CFDP1: variants seen among roughly 807,000 people sequenced by gnomAD.
CFDP1 encodes chromatin remodeling protein CFDP1.
CFDP1 carries 31 observed loss-of-function variants against 40.1 expected under a neutral mutation model. That is an observed-to-expected ratio of 0.77 (90% CI 0.58 to 1.04). The LOEUF (loss-of-function observed/expected upper bound fraction) is 1.04, where lower values mean the gene tolerates loss of function less well. CFDP1 is among the 50% of genes least tolerant of loss of function. The pLI is 0.00. For missense variants in CFDP1, 423 were observed against 343.4 expected (o/e 1.23, Z -1.83); for synonymous variants, 167 against 120.0 (o/e 1.39, Z -2.56).
chr16:75,371,225 T>C (rs1319870801), intron 5 of CFDP1, among the ~76,000 whole-genome samples: 1 of 152,154 alleles, frequency 6.6e-6, no homozygotes, highest in Non-Finnish European at 1.5e-5. Context: ...GCCAGTAGCA[T>C]CCCCTGCCTT....
At chr16:75,379,309 A>G (rs1486834668) in intron 5 of CFDP1, among the ~76,000 whole-genome samples, 8 of 151,108 alleles carry the variant, frequency 5.3e-5, no homozygotes, top group Non-Finnish European at 1.0e-4. Flanking sequence ...GATCAATAAA[A>G]TCGACAAACG....
intron 5 of CFDP1, among the ~76,000 whole-genome samples, chr16:75,377,244 CT>C (rs2078807543): frequency 6.6e-6 from 1 of 152,196 alleles, no homozygotes; most frequent in Non-Finnish European, 1.5e-5. Flanking sequence ...AAGTCAAATG[CT>C]ATGGGAACCA....
chr16:75,301,536 CTTTTTTTTT>C (rs546724752), intron 6 of CFDP1, among the ~76,000 whole-genome samples: 627 of 53,990 alleles, frequency 0.012, 7 homozygotes, highest in South Asian at 0.043. Context: ...TTTGTTGTGT[CTTTTTTTTT>C]TTTTTTTTTT....
chr16:75,407,652 C>T (rs1214384969), intron 4 of CFDP1, among the ~76,000 whole-genome samples: 2 of 50,638 alleles, frequency 3.9e-5, no homozygotes, highest in African/African-American at 1.3e-4. Context: ...AAGACCCTGT[C>T]TCAAAAAAAA....
Position 75,293,817 on chromosome 16 carries a change from A to T in CFDP1, c.*135T>A. ...AACCATTTGTGATTAAGATACATAG[A>T]CAGAACTTCAATGTAGAAAAAAAAA... On this transcript the variant is annotated 3_prime_UTR_variant, in exon 7 of 7. Coordinates refer to ENST00000283882, the MANE Select transcript of CFDP1 (RefSeq NM_006324.3). 1.5e-6 allele frequency: 1 copy of T among 654,208 alleles called. No homozygotes were observed. Among genetic ancestry groups the T allele is most frequent in the Non-Finnish European group, 2.6e-6 (1 of 383,690 alleles). The allele number at this position is 654,208 out of a possible 1,614,324, so 40.5% of individuals were successfully genotyped here. A position where few individuals can be genotyped will look rare whatever the true frequency, so the allele number is the denominator to read the frequency against.
At position 75,433,474 on chromosome 16, in the gene CFDP1, A is replaced by T. The variant is rs1464717236; in HGVS notation, c.-122T>A. The T allele has an allele frequency of 1.1e-6, 1 of 872,600 alleles. No individual in the cohort carries two copies. Among genetic ancestry groups the T allele is most frequent in the African/African-American group, 1.7e-5 (1 of 60,372 alleles). 54.1% of individuals were successfully genotyped at this position (872,600 alleles called of 1,614,324 possible). A position where few individuals can be genotyped will look rare whatever the true frequency, so the allele number is the denominator to read the frequency against. On this transcript the variant is annotated 5_prime_UTR_variant, in exon 1 of 7. Transcript: ENST00000283882. ...GACGGCAGCTAGGGCGGCCCCCGAC[A>T]GCGCTTTGCACATGCGCAGAGAGTA...
intron 5 of CFDP1, among the ~76,000 whole-genome samples, chr16:75,385,858 T>C (rs1299288327): frequency 6.6e-6 from 1 of 152,194 alleles, no homozygotes; most frequent in Non-Finnish European, 1.5e-5. Context: ...CTTCGTTTCC[T>C]TGCTCCCAAA....
rs769286890 is a variant in CFDP1 at position 75,395,051 on chromosome 16, C to G, written c.650+39G>C. On this transcript the variant is annotated intron_variant, in intron 5 of 6. Coordinates refer to ENST00000283882, the MANE Select transcript of CFDP1 (RefSeq NM_006324.3). Reference sequence around the variant, plus strand: ...GTATTTGCACTGAAAGCTTCTCCAACGTGCCAAGTACATCAGGGAGTGAGA... The same window carrying G: ...GTATTTGCACTGAAAGCTTCTCCAAGGTGCCAAGTACATCAGGGAGTGAGA... 13 of 1,610,494 alleles carry G rather than the reference C, an allele frequency of 8.1e-6. No homozygotes were observed. In the Admixed American group the frequency reaches 2.2e-4, roughly 27 times the overall value.
chr16:75,403,470 C>T (rs1385362462), intron 4 of CFDP1, among the ~76,000 whole-genome samples: 3 of 152,208 alleles, frequency 2.0e-5, no homozygotes, highest in Non-Finnish European at 2.9e-5. Flanking sequence ...CCTCCTGCCT[C>T]AGCCTCCCAA....
intron 5 of CFDP1, among the ~76,000 whole-genome samples, chr16:75,315,506 T>C (rs147222630): frequency 2.9e-4 from 44 of 152,218 alleles, no homozygotes; most frequent in African/African-American, 1.0e-3. Context: ...AAGGGTTATG[T>C]ACAAGAATTC....
At chr16:75,315,742 C>T (rs1460777529) in intron 5 of CFDP1, among the ~76,000 whole-genome samples, 1 of 152,200 alleles carries the variant, frequency 6.6e-6, no homozygotes, top group East Asian at 1.9e-4. Flanking sequence ...CATTTCACCT[C>T]TACATACCTT....
At position 75,406,844 on chromosome 16, in the gene CFDP1, G is replaced by C. The variant is rs545724213; in HGVS notation, c.530+4981C>G. ...GTTTGAAATCAGCCTGGTCAACATG[G>C]TGACCATCTCTACTAAAAATACAAA... On this transcript the variant is annotated intron_variant, in intron 4 of 6. Transcript: ENST00000283882. 7 of 151,988 alleles carry C rather than the reference G, an allele frequency of 4.6e-5. No individual in the cohort carries two copies. In the East Asian group the frequency reaches 1.4e-3, roughly 30 times the overall value. 9.4% of individuals were successfully genotyped at this position (151,988 alleles called of 1,614,324 possible). A position where few individuals can be genotyped will look rare whatever the true frequency, so the allele number is the denominator to read the frequency against.
At chr16:75,404,602 A>G (rs2079083244) in intron 4 of CFDP1, among the ~76,000 whole-genome samples, 1 of 152,122 alleles carries the variant, frequency 6.6e-6, no homozygotes, top group South Asian at 2.1e-4. Context: ...AAGCACCATC[A>G]ATGTAGTATT....
intron 5 of CFDP1, chr16:75,305,552 C>G (rs1567640000): frequency 5.0e-6 from 1 of 201,950 alleles, no homozygotes; most frequent in Non-Finnish European, 1.0e-5. Flanking sequence ...TGACTCTAGG[C>G]CAGTTATTTA....
At chr16:75,321,982 C>G (rs1013861282) in intron 5 of CFDP1, 1 of 152,288 alleles carries the variant, frequency 6.6e-6, no homozygotes, top group Non-Finnish European at 1.5e-5. Context: ...CGCCACCATA[C>G]CCGGCTAATT....
chr16:75,332,545 T>C (rs1290281336), intron 5 of CFDP1, among the ~76,000 whole-genome samples: 1 of 151,780 alleles, frequency 6.6e-6, no homozygotes, highest in Non-Finnish European at 1.5e-5. Context: ...TGCTTGTTTG[T>C]GGTCCCAGCT....
At chr16:75,325,358 G>A (rs772266718) in intron 5 of CFDP1, among the ~76,000 whole-genome samples, 2 of 152,178 alleles carry the variant, frequency 1.3e-5, no homozygotes, top group Non-Finnish European at 2.9e-5. Flanking sequence ...CAACGACTGT[G>A]CCCAGTTATC....
In CFDP1 at chr16:75,407,716, T is replaced by A. The variant is rs2151579807; in HGVS notation, c.530+4109A>T. Among the ~76,000 whole-genome samples the A allele has an allele frequency of 1.3e-5, 2 of 150,752 alleles. 1 individual carries two copies. The highest frequency in any genetic ancestry group is 4.2e-4 in the South Asian group (2 of 4,752). On this transcript the variant is annotated intron_variant, in intron 4 of 6. Coordinates refer to ENST00000283882, the MANE Select transcript of CFDP1 (RefSeq NM_006324.3). ...TATAGGAAATTTGGGCTTCCAGAAT[T>A]CCTTTTTCCTTTCACTAAAAAATAA...
chr16:75,321,655 C>A (rs891712046), intron 5 of CFDP1, among the ~76,000 whole-genome samples: 8 of 152,066 alleles, frequency 5.3e-5, no homozygotes, highest in African/African-American at 1.9e-4. Flanking sequence ...TTTATGGGCC[C>A]AACCAGAAAC....
Sources: gnomAD v4.1 joint callset for allele counts (sites outside exome capture counted in the v4.1 genomes callset) on GRCh38, gnomAD v4.1.1 for gene constraint, MANE v1.5 for transcripts, NCBI Gene and HGNC (gene_info 2026-07-23, HGNC 2026-07-21) for gene names.